Variants in SUPT3H observed in about 807,000 individuals in gnomAD.
SUPT3H encodes transcription initiation protein SPT3 homolog.
Under a neutral mutation model 44.3 loss-of-function variants are expected in SUPT3H, and 44 were observed. The observed-to-expected ratio is 0.99, with a 90% CI of 0.78 to 1.28. The LOEUF is 1.28. Ranked by LOEUF, SUPT3H falls within the 50% of genes most tolerant of loss-of-function variation. The pLI, the probability that SUPT3H is intolerant of heterozygous loss-of-function variation, is 0.00. For missense variants in SUPT3H, 380 were observed against 387.1 expected (o/e 0.98, Z 0.15); for synonymous variants, 124 against 125.6 (o/e 0.99, Z 0.09).
At chr6:45,158,300 T>TATATATATATA (rs1562573429) in intron 2 of SUPT3H, among the ~76,000 whole-genome samples, 1 of 63,716 alleles carries the variant, frequency 1.6e-5, no homozygotes, top group Admixed American at 1.5e-4. Context: ...ATATATATAT[T>TATATATATATA]TTTTTTTTTT....
At position 45,371,582 on chromosome 6, in the gene SUPT3H, C is replaced by T. The variant is rs536351574; in HGVS notation, c.-1+6186G>A. 5.3e-5 allele frequency among the ~76,000 whole-genome samples: 8 copies of T among 152,136 alleles called. 1 individual carries two copies. In the South Asian group the frequency reaches 1.7e-3, roughly 32 times the overall value. On this transcript the variant is annotated intron_variant, in intron 1 of 10. Transcript: ENST00000371459. ...TAATAACAATCCTCTCATTTTAGTG[C>T]TTTAGTTTTTTCATTAGTAAAAGAT...
At chr6:45,192,388 A>G (rs778580413) in intron 2 of SUPT3H, among the ~76,000 whole-genome samples, 1 of 152,168 alleles carries the variant, frequency 6.6e-6, no homozygotes, top group Non-Finnish European at 1.5e-5. Flanking sequence ...CACAAGAATT[A>G]TATTCTTTGA....
chr6:45,054,395 TA>T (rs1419252203), intron 3 of SUPT3H, among the ~76,000 whole-genome samples: 3 of 152,208 alleles, frequency 2.0e-5, no homozygotes, highest in Non-Finnish European at 1.5e-5. Flanking sequence ...AGTTTATTAC[TA>T]TTAGATCATA....
At chr6:45,127,714 C>T (rs1428376119) in intron 2 of SUPT3H, among the ~76,000 whole-genome samples, 1 of 152,134 alleles carries the variant, frequency 6.6e-6, no homozygotes, top group Non-Finnish European at 1.5e-5. Context: ...CTGATTTCTA[C>T]TCTTATGTTT....
rs1581873220 is a variant in SUPT3H at position 45,358,136 on chromosome 6, A to G, written c.101+7065T>C. Among the ~76,000 whole-genome samples, 8 of 150,440 alleles carry G rather than the reference A, an allele frequency of 5.3e-5. No individual in the cohort carries two copies. In the East Asian group the frequency reaches 1.2e-3, roughly 22 times the overall value. ...AATGACCGTGTTAAAATCAAATATAAAAACAGGTTATAACATGTAAAATGT... is the reference window on the plus strand; with the variant it reads ...AATGACCGTGTTAAAATCAAATATAGAAACAGGTTATAACATGTAAAATGT... On this transcript the variant is annotated intron_variant, in intron 2 of 10. Transcript: ENST00000371459.
At chr6:45,142,736 CAAAAAAA>C (rs70993502) in intron 2 of SUPT3H, among the ~76,000 whole-genome samples, 16 of 14,960 alleles carry the variant, frequency 1.1e-3, no homozygotes, top group East Asian at 1.7e-3. Context: ...AACTCCGTCT[CAAAAAAA>C]AAAAAAAAAA....
intron 10 of SUPT3H, among the ~76,000 whole-genome samples, chr6:44,914,508 T>C (rs552752949): frequency 1.2e-3 from 183 of 152,338 alleles, no homozygotes; most frequent in African/African-American, 4.0e-3. Flanking sequence ...TTATTTTGCC[T>C]TGGATTCATG....
At chr6:44,971,834 G>A (rs905923142) in intron 6 of SUPT3H, among the ~76,000 whole-genome samples, 6 of 151,920 alleles carry the variant, frequency 3.9e-5, no homozygotes, top group Admixed American at 1.3e-4. Flanking sequence ...GTGCAGTGGT[G>A]CAATCTCGGC....
chr6:45,353,204 A>C (rs184915726), intron 2 of SUPT3H, among the ~76,000 whole-genome samples: 53 of 152,240 alleles, frequency 3.5e-4, no homozygotes, highest in African/African-American at 1.2e-3. Flanking sequence ...CTGAAATCTG[A>C]GTACACAGCA....
intron 2 of SUPT3H, among the ~76,000 whole-genome samples, chr6:45,130,715 T>A (rs1803333091): frequency 7.2e-6 from 1 of 139,346 alleles, no homozygotes; most frequent in South Asian, 2.4e-4. Flanking sequence ...AAAACCACTT[T>A]TTTTTTTTTT....
At chr6:45,062,418 C>T (rs1463981579) in intron 3 of SUPT3H, among the ~76,000 whole-genome samples, 2 of 151,488 alleles carry the variant, frequency 1.3e-5, no homozygotes, top group Admixed American at 6.6e-5. Context: ...AGCATCAAAG[C>T]GGATCAGCCT....
intron 3 of SUPT3H, among the ~76,000 whole-genome samples, chr6:45,089,911 T>C (rs1044156380): frequency 1.3e-5 from 2 of 152,096 alleles, no homozygotes; most frequent in Middle Eastern, 3.2e-3. Context: ...GTCTACAGAA[T>C]TACATACAAA....
rs370491255 is a variant in SUPT3H at position 45,062,620 on chromosome 6, G to T, written c.187-41988C>A. The stretch of plus-strand genomic sequence containing the variant: ...TGGGTGCGCGCACCATGCGCAAGCC[G>T]AAGCAGGGCGAGGCATTGCCTCACC... On this transcript the variant is annotated intron_variant, in intron 3 of 10. Transcript: ENST00000371459. Among the ~76,000 whole-genome samples, 779 of 152,330 alleles carry T rather than the reference G, an allele frequency of 5.1e-3. 5 individuals carry two copies. The highest frequency in any genetic ancestry group is 0.01 in the Middle Eastern group (3 of 294).
chr6:45,361,639 G>C (rs12194628), intron 2 of SUPT3H: 33,174 of 152,170 alleles, frequency 0.22, 4,426 homozygotes, highest in Non-Finnish European at 0.31. Flanking sequence ...GTTATTCAAA[G>C]GAGCTGTGAT....
intron 10 of SUPT3H, among the ~76,000 whole-genome samples, chr6:44,889,665 G>T (rs1762956285): frequency 6.6e-6 from 1 of 152,132 alleles, no homozygotes; most frequent in Non-Finnish European, 1.5e-5. Flanking sequence ...AACCCTAGAA[G>T]AAAACCTAGG....
chr6:45,123,813 G>A (rs1385451265), intron 2 of SUPT3H, among the ~76,000 whole-genome samples: 3 of 152,162 alleles, frequency 2.0e-5, no homozygotes, highest in Non-Finnish European at 4.4e-5. Context: ...GAATGAATGT[G>A]TATAGCTATG....
chr6:45,015,397 G>C (rs2396373), intron 4 of SUPT3H, among the ~76,000 whole-genome samples: 1 of 151,824 alleles, frequency 6.6e-6, no homozygotes, highest in Non-Finnish European at 1.5e-5. Flanking sequence ...CATTTGTAGA[G>C]GGCATATACC....
intron 9 of SUPT3H, among the ~76,000 whole-genome samples, chr6:44,939,691 T>C (rs750280543): frequency 2.0e-5 from 3 of 152,148 alleles, no homozygotes; most frequent in Non-Finnish European, 2.9e-5. Flanking sequence ...CCTGAATTCT[T>C]TTTTGTTGGG....
intron 10 of SUPT3H, among the ~76,000 whole-genome samples, chr6:44,842,621 T>A (rs3799970): frequency 0.19 from 28,707 of 151,698 alleles, 2,840 homozygotes; most frequent in Admixed American, 0.29. Context: ...TATTTTTTTT[T>A]AAAAAAATGC....
Sources: gnomAD v4.1 joint callset for allele counts (sites outside exome capture counted in the v4.1 genomes callset) on GRCh38, gnomAD v4.1.1 for gene constraint, MANE v1.5 for transcripts, NCBI Gene and HGNC (gene_info 2026-07-23, HGNC 2026-07-21) for gene names.